The following GRID1 variants were observed in gnomAD, a reference collection of about 807,000 sequenced individuals.
GRID1 encodes the protein glutamate receptor ionotropic, delta-1.
In GRID1, 28 loss-of-function variants were observed where a neutral mutation model predicts 98.0. The ratio of observed to expected loss-of-function variants is 0.29; its 90% CI spans 0.21 to 0.39. The LOEUF is 0.39. Among genes scored for constraint, GRID1 ranks in the 10% least tolerant of loss-of-function variants. GRID1 has a pLI of 1.00. For missense variants in GRID1, 1,111 were observed against 1,340.5 expected (o/e 0.83, Z 2.67); for synonymous variants, 553 against 538.5 (o/e 1.03, Z -0.37).
chr10:85,778,775 G>T (rs183217935), intron 8 of GRID1, among the ~76,000 whole-genome samples: 213 of 152,300 alleles, frequency 1.4e-3, no homozygotes, highest in Middle Eastern at 6.8e-3. Flanking sequence ...TGAACACCCA[G>T]CCTGGAGGCA....
intron 4 of GRID1, among the ~76,000 whole-genome samples, chr10:86,067,827 C>T (rs1002650321): frequency 1.3e-5 from 2 of 152,200 alleles, no homozygotes; most frequent in Non-Finnish European, 2.9e-5. Context: ...GCCAGAGCTC[C>T]CCTTAAGATC....
chr10:85,620,879 CACATAA>C lies in GRID1; in HGVS notation c.2194-852_2194-847del, dbSNP rs1220635983. 3.3e-5 allele frequency among the ~76,000 whole-genome samples: 5 copies of C among 152,342 alleles called. No individual in the cohort carries two copies. In the East Asian group the frequency reaches 9.7e-4, roughly 29 times the overall value. ...TCACATGCATATATGTTTGTACACA[CACATAA>C]ACATATATATGCACACACAGGTGCA... is the stretch of plus-strand genomic sequence containing the variant. On this transcript the variant is annotated intron_variant, in intron 13 of 15. Coordinates refer to ENST00000327946, the MANE Select transcript of GRID1 (RefSeq NM_017551.3).
chr10:85,703,374 T>C (rs537871547), intron 12 of GRID1, among the ~76,000 whole-genome samples: 1 of 151,950 alleles, frequency 6.6e-6, no homozygotes, highest in South Asian at 2.1e-4. Flanking sequence ...TAGAATTCAG[T>C]CTTAATTGTA....
intron 3 of GRID1, among the ~76,000 whole-genome samples, chr10:86,151,116 G>T (rs1845162781): frequency 6.6e-6 from 1 of 152,134 alleles, no homozygotes; most frequent in African/African-American, 2.4e-5. Flanking sequence ...GCCTAGGAAG[G>T]TGCTCAAATC....
Position 86,366,405 on chromosome 10 carries a change from C to T in GRID1, c.-13G>A, listed in dbSNP as rs1035058749. The T allele has an allele frequency of 4.3e-5, 64 of 1,486,878 alleles. No homozygotes were observed. The highest frequency in any genetic ancestry group is 4.9e-5 in the Non-Finnish European group (55 of 1,114,662). The allele number at this position is 1,486,878 out of a possible 1,614,324, so 92.1% of individuals were successfully genotyped here. On this transcript the variant is annotated 5_prime_UTR_variant, in exon 1 of 16. Transcript: ENST00000327946. This position sits in a 1 kb window ranked among gnomAD's most constrained non-coding sequence, Gnocchi z 4.1. Reference sequence around the variant, plus strand: ...TCAGCGCTTCCATGTCCCCCGGGCGCGCGGCTCATCCACCCGGGCCCGGGG... The same window carrying T: ...TCAGCGCTTCCATGTCCCCCGGGCGTGCGGCTCATCCACCCGGGCCCGGGG...
intron 12 of GRID1, among the ~76,000 whole-genome samples, chr10:85,695,668 A>C (rs1590193538): frequency 6.6e-6 from 1 of 152,180 alleles, no homozygotes; most frequent in Non-Finnish European, 1.5e-5. Context: ...TAAGAAAAAG[A>C]TGTCCTGTCA....
chr10:85,648,994 A>G (rs1843231970), intron 12 of GRID1, among the ~76,000 whole-genome samples: 1 of 152,200 alleles, frequency 6.6e-6, no homozygotes, highest in Admixed American at 6.5e-5. Context: ...GTTTCCAAAT[A>G]TTTTAATAAT....
rs537418412 is a variant in GRID1 at position 86,152,489 on chromosome 10, C to T, written c.521-13465G>A. 3.9e-5 allele frequency among the ~76,000 whole-genome samples: 6 copies of T among 152,376 alleles called. No individual in the cohort carries two copies. The South Asian group carries it at 8.3e-4, about 21-fold the overall frequency. Reference sequence around the variant, plus strand: ...TGAGCCCTGAAGCCCCGCTCTGCGCCCGAGAGCCCCCATAGCTGGAGCAGA... The same window carrying T: ...TGAGCCCTGAAGCCCCGCTCTGCGCTCGAGAGCCCCCATAGCTGGAGCAGA... On this transcript the variant is annotated intron_variant, in intron 3 of 15. Coordinates refer to ENST00000327946, the MANE Select transcript of GRID1 (RefSeq NM_017551.3).
rs1304379470 is a variant in GRID1 at position 86,040,096 on chromosome 10, C to G, written c.726+98723G>C. On this transcript the variant is annotated intron_variant, in intron 4 of 15. Transcript: ENST00000327946. Reference sequence around the variant, plus strand: ...TCCACTGTTGTGGGGCCTGAAAAAGCAGAGTTAAGATGGTCTCTGGAAATG... The same window carrying G: ...TCCACTGTTGTGGGGCCTGAAAAAGGAGAGTTAAGATGGTCTCTGGAAATG... Among the ~76,000 whole-genome samples the G allele has an allele frequency of 5.9e-5, 9 of 152,102 alleles. No homozygotes were observed. In the East Asian group the frequency reaches 1.7e-3, roughly 29 times the overall value.
chr10:85,984,702 C>T (rs1842588425), intron 4 of GRID1, among the ~76,000 whole-genome samples: 1 of 152,184 alleles, frequency 6.6e-6, no homozygotes, highest in Admixed American at 6.5e-5. Flanking sequence ...GGCAGAGAGG[C>T]TCAGGAAGGG....
chr10:86,050,171 G>A (rs527652664), intron 4 of GRID1, among the ~76,000 whole-genome samples: 8 of 152,280 alleles, frequency 5.3e-5, no homozygotes, highest in Admixed American at 1.3e-4. Context: ...GAGACAGGGC[G>A]TCAGTAACAC....
intron 4 of GRID1, among the ~76,000 whole-genome samples, chr10:85,965,894 T>G (rs1842330390): frequency 6.6e-6 from 1 of 152,154 alleles, no homozygotes. Flanking sequence ...ACATCAGGAT[T>G]TATGGTACTT....
In GRID1 at chr10:85,600,024, A is replaced by T. The variant is rs1326289111; in HGVS notation, c.*2249T>A. 2.6e-5 allele frequency: 4 copies of T among 151,596 alleles called. No homozygotes were observed. The allele number at this position is 151,596 out of a possible 1,614,324, so 9.4% of individuals were successfully genotyped here. On this transcript the variant is annotated 3_prime_UTR_variant, in exon 16 of 16. Coordinates refer to ENST00000327946, the MANE Select transcript of GRID1 (RefSeq NM_017551.3). ...CTCATTCTAAGCAGAACCATCCAAG[A>T]AGACATCCAAGCTATACCCCAGAAG...
chr10:85,756,855 A>G (rs74628791), intron 8 of GRID1, among the ~76,000 whole-genome samples: 1 of 152,180 alleles, frequency 6.6e-6, no homozygotes, highest in Admixed American at 6.5e-5. Flanking sequence ...TGCTCTGAGC[A>G]CTGTACCAAT....
At chr10:85,926,600 G>A (rs1841777427) in intron 4 of GRID1, among the ~76,000 whole-genome samples, 1 of 152,094 alleles carries the variant, frequency 6.6e-6, no homozygotes, top group African/African-American at 2.4e-5. Context: ...AACCAAAGAT[G>A]CCTGCTCTTA....
intron 2 of GRID1, among the ~76,000 whole-genome samples, chr10:86,321,199 C>T (rs1252520464): frequency 4.6e-5 from 7 of 151,466 alleles, no homozygotes; most frequent in African/African-American, 1.2e-4. Context: ...ATTATGCAGT[C>T]ATTAAAATAG....
At chr10:86,180,332 C>G (rs1334848687) in intron 3 of GRID1, among the ~76,000 whole-genome samples, 1 of 152,110 alleles carries the variant, frequency 6.6e-6, no homozygotes, top group African/African-American at 2.4e-5. Flanking sequence ...CCAGAGTGAT[C>G]GAACAGCTGC....
intron 8 of GRID1, among the ~76,000 whole-genome samples, chr10:85,774,718 TG>T (rs1237339909): frequency 2.0e-5 from 3 of 150,482 alleles, no homozygotes; most frequent in African/African-American, 7.3e-5. Context: ...AAAAAACACA[TG>T]AAAAAATGCT....
At chr10:86,346,241 C>T (rs1316054924) in intron 2 of GRID1, among the ~76,000 whole-genome samples, 3 of 152,268 alleles carry the variant, frequency 2.0e-5, no homozygotes. Flanking sequence ...CCCAGCCCAC[C>T]TTACACCCCT....
Sources: gnomAD v4.1 joint callset for allele counts (sites outside exome capture counted in the v4.1 genomes callset) on GRCh38, gnomAD v4.1.1 for gene constraint, Gnocchi (gnomAD v3.1) non-coding constraint, MANE v1.5 for transcripts, NCBI Gene and HGNC (gene_info 2026-07-23, HGNC 2026-07-21) for gene names.